The following NOMO2 variants were observed in gnomAD, a reference collection of about 807,000 sequenced individuals.
NOMO2 encodes the protein NODAL modulator 2, also known as BOS complex subunit NOMO2.
NOMO2 carries 14 observed loss-of-function variants against 67.1 expected under a neutral mutation model. The ratio of observed to expected loss-of-function variants is 0.21; its 90% confidence interval spans 0.14 to 0.33. The LOEUF is 0.33. Among genes scored for constraint, NOMO2 ranks in the 10% least tolerant of loss-of-function variants. NOMO2 has a pLI of 1.00. For synonymous variants in NOMO2, 80 were observed against 305.9 expected (o/e 0.26, Z 7.71); for missense variants, 178 against 761.0 (o/e 0.23, Z 9.01).
At chr16:18,528,316 T>C (rs1901196727) in intron 15 of NOMO2, among the ~76,000 whole-genome samples, 1 of 150,938 alleles carries the variant, frequency 6.6e-6, no homozygotes, top group Admixed American at 6.6e-5. Context: ...TCCACTCCAC[T>C]GCTGGAAGGG....
At chr16:18,539,249 G>GC (rs1206056143) in intron 9 of NOMO2, among the ~76,000 whole-genome samples, 2 of 150,016 alleles carry the variant, frequency 1.3e-5, no homozygotes, top group Non-Finnish European at 3.0e-5. Flanking sequence ...GCTTCTAGAA[G>GC]CCCCCCACCC....
At chr16:18,525,746 G>A (rs1254179617) in intron 16 of NOMO2, among the ~76,000 whole-genome samples, 2 of 151,568 alleles carry the variant, frequency 1.3e-5, no homozygotes, top group African/African-American at 2.4e-5. Flanking sequence ...ATGTGGCACG[G>A]TTCTGGCCAA....
At chr16:18,560,378 T>C (rs1200617418) in intron 1 of NOMO2, among the ~76,000 whole-genome samples, 1 of 151,132 alleles carries the variant, frequency 6.6e-6, no homozygotes, top group Non-Finnish European at 1.5e-5. Context: ...GTGCCTGTCT[T>C]TTCCTTCCTT....
At position 18,557,284 on chromosome 16, in the gene NOMO2, A is replaced by G. The variant is rs368099233; in HGVS notation, c.255+418T>C. 4.6e-5 allele frequency among the ~76,000 whole-genome samples: 7 copies of G among 151,840 alleles called. No individual in the cohort carries two copies. In the East Asian group the frequency reaches 1.4e-3, roughly 29 times the overall value. Reference sequence around the variant, plus strand: ...TTTCACAAAGTTCATGAATTCATGTATTACTTGTACAATTGTTTTAACAAT... The same window carrying G: ...TTTCACAAAGTTCATGAATTCATGTGTTACTTGTACAATTGTTTTAACAAT... On this transcript the variant is annotated intron_variant, in intron 2 of 30. Coordinates refer to ENST00000622306, the MANE Select transcript of NOMO2 (RefSeq NM_173614.4).
At chr16:18,539,641 C>T (rs1901503953) in intron 9 of NOMO2, among the ~76,000 whole-genome samples, 2 of 151,892 alleles carry the variant, frequency 1.3e-5, no homozygotes. Flanking sequence ...CCTGTAATCC[C>T]AGCTACTCGG....
chr16:18,553,160 A>G (rs1167631821), intron 3 of NOMO2, among the ~76,000 whole-genome samples: 1 of 151,778 alleles, frequency 6.6e-6, no homozygotes, highest in Non-Finnish European at 1.5e-5. Context: ...CTGTAATCTC[A>G]TCTACTGAGG....
At chr16:18,558,967 A>T in intron 1 of NOMO2, 1 of 427,416 alleles carries the variant, frequency 2.3e-6, no homozygotes, top group Non-Finnish European at 4.7e-6. Context: ...AGCCCAGGAG[A>T]CCAGCCTGGA....
chr16:18,533,989 A>G (rs1901364349), intron 11 of NOMO2, among the ~76,000 whole-genome samples: 1 of 151,982 alleles, frequency 6.6e-6, no homozygotes, highest in South Asian at 2.1e-4. Flanking sequence ...TCAACTGTTC[A>G]TTTTAAAGAA....
At chr16:18,545,541 C>A (rs1460874877) in intron 6 of NOMO2, among the ~76,000 whole-genome samples, 3 of 146,566 alleles carry the variant, frequency 2.0e-5, no homozygotes, top group African/African-American at 7.5e-5. Context: ...AATAATAAAA[C>A]AGATAGAGTA....
At chr16:18,507,437 G>A (rs1369354872) in intron 28 of NOMO2, among the ~76,000 whole-genome samples, 3 of 49,472 alleles carry the variant, frequency 6.1e-5, no homozygotes, top group Admixed American at 2.1e-4. Flanking sequence ...AGCATCCCTG[G>A]AACGGCACCA....
At chr16:18,556,856 C>T (rs938009095) in intron 2 of NOMO2, among the ~76,000 whole-genome samples, 1 of 151,898 alleles carries the variant, frequency 6.6e-6, no homozygotes, top group African/African-American at 2.4e-5. Flanking sequence ...CCGGAAACAT[C>T]GGCTCACACC....
At chr16:18,552,567 CAAACAT>C (rs1159293956) in intron 3 of NOMO2, among the ~76,000 whole-genome samples, 6 of 145,004 alleles carry the variant, frequency 4.1e-5, no homozygotes, top group African/African-American at 1.5e-4. Flanking sequence ...CCATGGCAAA[CAAACAT>C]AAACATACGA....
At position 18,545,289 on chromosome 16, in the gene NOMO2, G is replaced by A. The variant is rs1471595305; in HGVS notation, c.583-1520C>T. Among the ~76,000 whole-genome samples, 13 of 148,776 alleles carry A rather than the reference G, an allele frequency of 8.7e-5. No homozygotes were observed. The East Asian group carries it at 2.6e-3, about 29-fold the overall frequency. On this transcript the variant is annotated intron_variant, in intron 6 of 30. Transcript: ENST00000622306. ...TTTTTTCTATTTTTAGTAGAGATGC[G>A]GTTTCACCATGTTGGCCAGGTTGGT...
In NOMO2 at chr16:18,543,564, T is replaced by A; in HGVS notation, c.735+53A>T. The A allele has an allele frequency of 4.3e-6, 7 of 1,609,808 alleles. No individual in the cohort carries two copies. The South Asian group carries it at 6.6e-5, about 15-fold the overall frequency. ...TAAAACAGTATGTTCTGGTCTATAATCCCCCACCCTCCTACCCTTCACACC... is the reference window on the plus strand; with the variant it reads ...TAAAACAGTATGTTCTGGTCTATAAACCCCCACCCTCCTACCCTTCACACC... On this transcript the variant is annotated intron_variant, in intron 7 of 30. Coordinates refer to ENST00000622306, the MANE Select transcript of NOMO2 (RefSeq NM_173614.4).
At chr16:18,559,793 T>C (rs993524591) in intron 1 of NOMO2, among the ~76,000 whole-genome samples, 11 of 151,966 alleles carry the variant, frequency 7.2e-5, no homozygotes, top group African/African-American at 1.2e-4. Context: ...GATCGGCTGG[T>C]TTTCCAGAGA....
chr16:18,531,824 G>A (rs1315271305), intron 12 of NOMO2, among the ~76,000 whole-genome samples: 43 of 152,160 alleles, frequency 2.8e-4, no homozygotes, highest in Non-Finnish European at 1.0e-4. Flanking sequence ...TCAACAGACC[G>A]ATGTGTATGA....
intron 3 of NOMO2, among the ~76,000 whole-genome samples, chr16:18,552,768 G>C (rs1167130762): frequency 6.6e-6 from 1 of 151,988 alleles, no homozygotes; most frequent in East Asian, 1.9e-4. Flanking sequence ...ATCCACTTTG[G>C]ATGTTTGCAA....
At chr16:18,549,296 A>C (rs546773376) in intron 5 of NOMO2, among the ~76,000 whole-genome samples, 1 of 149,688 alleles carries the variant, frequency 6.7e-6, no homozygotes, top group East Asian at 2.0e-4. Context: ...GCCAGTATGA[A>C]CTCATATTTA....
chr16:18,525,962 AC>A (rs1901136214), intron 16 of NOMO2, among the ~76,000 whole-genome samples: 1 of 151,786 alleles, frequency 6.6e-6, no homozygotes, highest in African/African-American at 2.4e-5. Flanking sequence ...GCAGCCACGC[AC>A]TGCCACACTT....
Sources: gnomAD v4.1 joint callset for allele counts (sites outside exome capture counted in the v4.1 genomes callset) on GRCh38, gnomAD v4.1.1 for gene constraint, MANE v1.5 for transcripts, NCBI Gene and HGNC (gene_info 2026-07-23, HGNC 2026-07-21) for gene names.